Variants in ANKAR observed in about 807,000 individuals in gnomAD.
The protein encoded by ANKAR is ankyrin and armadillo repeat containing.
ANKAR carries 136 observed loss-of-function variants against 146.2 expected under a neutral mutation model. The ratio of observed to expected loss-of-function variants is 0.93; its 90% CI spans 0.81 to 1.07. ANKAR has a LOEUF of 1.07. ANKAR is among the 50% of genes least tolerant of loss of function. ANKAR has a pLI of 0.00. For missense variants in ANKAR, 1,567 were observed against 1,679.9 expected, an observed-to-expected ratio of 0.93 and a Z score of 1.18; for synonymous variants, 500 against 575.8, an observed-to-expected ratio of 0.87 and a Z score of 1.88.
chr2:189,709,638 C>A (rs1478569549), intron 9 of ANKAR, among the ~76,000 whole-genome samples: 1 of 152,178 alleles, frequency 6.6e-6, no homozygotes, highest in Non-Finnish European at 1.5e-5. Flanking sequence ...AGATTTTCAA[C>A]CCCATTCTAC....
At chr2:189,722,889 A>G (rs967324113) in intron 12 of ANKAR, among the ~76,000 whole-genome samples, 14 of 152,126 alleles carry the variant, frequency 9.2e-5, no homozygotes, top group Middle Eastern at 3.4e-3. Flanking sequence ...TAAAAAAAAA[A>G]AAAAGAAAAG....
intron 12 of ANKAR, among the ~76,000 whole-genome samples, chr2:189,721,291 T>G (rs16831909): frequency 0.034 from 5,103 of 152,266 alleles, 103 homozygotes; most frequent in South Asian, 0.07. Flanking sequence ...TGGCAGATAA[T>G]GATTAAATTT....
chr2:189,735,760 T>G (rs990719511), intron 17 of ANKAR, among the ~76,000 whole-genome samples: 7 of 152,236 alleles, frequency 4.6e-5, no homozygotes, highest in African/African-American at 1.7e-4. Flanking sequence ...ACTAGAATAA[T>G]ATATGAAATG....
In ANKAR at chr2:189,733,428, C is replaced by T. The variant is rs1410149038; in HGVS notation, c.3423+199C>T. ...ATTTTTCTGAGTTGTCCCACTTCAT[C>T]GTTGAAATGCAGTAATTTTAATGTT... On this transcript the variant is annotated intron_variant, in intron 17 of 22. Transcript: ENST00000684021. 2.0e-5 allele frequency among the ~76,000 whole-genome samples: 3 copies of T among 152,132 alleles called. No individual in the cohort carries two copies. The East Asian group carries it at 5.8e-4, about 29-fold the overall frequency.
chr2:189,718,025 A>G (rs545673895), intron 10 of ANKAR, among the ~76,000 whole-genome samples: 2 of 152,340 alleles, frequency 1.3e-5, no homozygotes, highest in East Asian at 3.9e-4. Context: ...AACATAGCAC[A>G]TGTATACCTA....
intron 15 of ANKAR, among the ~76,000 whole-genome samples, chr2:189,729,146 A>G (rs2042160630): frequency 6.6e-6 from 1 of 152,334 alleles, no homozygotes; most frequent in East Asian, 1.9e-4. Flanking sequence ...CTCAAGAACG[A>G]TATGTTTTTG....
In ANKAR at chr2:189,728,750, T is replaced by A; in HGVS notation, c.3122T>A (p.Leu1041Ter). Residue 1041 changes from leucine to a stop codon, truncating the protein, a stop_gained, in exon 15 of 23, where the codon TTA (leucine) becomes TAA (stop). Coordinates refer to ENST00000684021, the MANE Select transcript of ANKAR (RefSeq NM_001378068.1). LOFTEE classifies it high-confidence loss of function. Reference sequence around the variant, plus strand: ...AATGGAATTGCACCATTGGTTCGCTTACTAAGAATTAGTACGATTGCTGAA... The same window carrying A: ...AATGGAATTGCACCATTGGTTCGCTAACTAAGAATTAGTACGATTGCTGAA... ...EGNGIAPLVR[L>*]LRISTIAEGT... 1.2e-6 allele frequency: 2 copies of A among 1,614,104 alleles called. No individual in the cohort carries two copies. Among genetic ancestry groups the A allele is most frequent in the South Asian group, 1.1e-5 (1 of 91,086 alleles).
chr2:189,676,259 G>A (rs999814762), intron 1 of ANKAR, among the ~76,000 whole-genome samples, 197 bp from the exon 2 acceptor site: 10 of 152,060 alleles, frequency 6.6e-5, no homozygotes, highest in African/African-American at 2.2e-4. Flanking sequence ...TAATGATAAA[G>A]GTTTTATAAT....
At chr2:189,758,429 C>A (rs1374341597) in intron 18 of ANKAR, among the ~76,000 whole-genome samples, 34 of 152,062 alleles carry the variant, frequency 2.2e-4, no homozygotes, top group African/African-American at 7.7e-4. Flanking sequence ...TCTCTCGGTC[C>A]TGCTCCTGCC....
rs1383429915 is a variant in ANKAR, at chr2:189,731,675, T to TA, written c.3300+1074_3300+1075insA. ...TATGAGCCACTGCACCCAGGCTGTT[T>TA]CTTTTTTAATCTGTATTTATTTATT... On this transcript the variant is annotated intron_variant, in intron 16 of 22. Transcript: ENST00000684021. 5.9e-4 allele frequency among the ~76,000 whole-genome samples: 3 copies of TA among 5,122 alleles called. No homozygotes were observed. The Non-Finnish European group carries it at 0.023, about 39-fold the overall frequency. The allele number at this position is 5,122 out of a possible 152,430, so 3.4% of individuals were successfully genotyped here.
intron 1 of ANKAR, 167 bp from the exon 2 acceptor site, chr2:189,676,289 A>G (rs1460203364): frequency 1.9e-6 from 1 of 522,936 alleles, no homozygotes; most frequent in Non-Finnish European, 3.2e-6. Context: ...TTTAATTCAA[A>G]TTTCAGTTTT....
chr2:189,686,757 C>T (rs532214189), intron 2 of ANKAR, among the ~76,000 whole-genome samples: 30 of 152,276 alleles, frequency 2.0e-4, no homozygotes, highest in Admixed American at 5.2e-4. Flanking sequence ...TTTTATCTTA[C>T]ACAATTTTAT....
rs1399510684 is a variant in ANKAR at position 189,676,585 on chromosome 2, C to A, written c.95C>A (p.Ser32Tyr). The A allele has an allele frequency of 6.2e-7, 1 of 1,612,556 alleles. No homozygotes were observed. The highest frequency in any genetic ancestry group is 1.1e-5 in the South Asian group (1 of 91,070). Residue 32 changes from serine (S) to tyrosine (Y), a missense_variant, in exon 2 of 23, where the codon TCT becomes TAT. Transcript: ENST00000684021. The stretch of plus-strand genomic sequence containing the variant: ...AATTTAGCAATACAAAGAAATGCAT[C>A]TGCTTTTTTTGAAAAATATGATCGG... ...LENLAIQRNASAFFEKYDRSE... is the reference protein window; with the variant it reads ...LENLAIQRNAYAFFEKYDRSE...
At chr2:189,752,962 G>A (rs760750120) in intron 18 of ANKAR, 15 of 1,611,536 alleles carry the variant, frequency 9.3e-6, no homozygotes, top group African/African-American at 1.3e-5. Flanking sequence ...AGTTACTTGC[G>A]ACACCACCAG....
rs1215984521 is a variant in ANKAR at position 189,705,066 on chromosome 2, A to G, written c.1752A>G (p.Glu584=). Residue 584 remains glutamate, a synonymous_variant, in exon 8 of 23, where the codon GAA becomes GAG. Coordinates refer to ENST00000684021, the MANE Select transcript of ANKAR (RefSeq NM_001378068.1). ...LHLAAQACSL[E]TTVCLLCSKA... Reference sequence around the variant, plus strand: ...TTGCTGCACAGGCTTGCTCATTAGAAACAACAGTTTGTCTACTGTGTTCCA... The same window carrying G: ...TTGCTGCACAGGCTTGCTCATTAGAGACAACAGTTTGTCTACTGTGTTCCA... 6.2e-7 allele frequency: 1 copy of G among 1,613,994 alleles called. No homozygotes were observed. Among genetic ancestry groups the G allele is most frequent in the Admixed American group, 1.7e-5 (1 of 59,982 alleles).
intron 20 of ANKAR, 121 bp from the exon 21 acceptor site, chr2:189,743,154 C>T: frequency 1.2e-6 from 1 of 864,360 alleles, no homozygotes; most frequent in South Asian, 1.8e-5. Context: ...TGTTTGCATA[C>T]ATATTTGCTT....
At chr2:189,677,429 C>G (rs1278093752) in intron 2 of ANKAR, among the ~76,000 whole-genome samples, 1 of 152,036 alleles carries the variant, frequency 6.6e-6, no homozygotes, top group Non-Finnish European at 1.5e-5. Context: ...AGTCTTTTAT[C>G]CCTCATTTTC....
Position 189,695,079 on chromosome 2 carries a change from T to G in ANKAR, c.1406T>G (p.Leu469Arg). Residue 469 changes from leucine to arginine, a missense_variant, in exon 6 of 23, where the codon CTG becomes CGG. Leu to Arg is a moderately radical substitution (Grantham distance 102). Transcript: ENST00000684021. ...AATGAAATAGTGAACAATCTGAGAC[T>G]GAAAAGACTTCCACTGACAGATGCT... ...AINEIVNNLR[L>R]KRLPLTDAQL... 1 of 1,612,972 alleles carries G rather than the reference T, an allele frequency of 6.2e-7. No homozygotes were observed.
chr2:189,705,277 A>T (rs1425906712), intron 8 of ANKAR, 53 bp downstream of exon 8: 20 of 1,193,306 alleles, frequency 1.7e-5, no homozygotes, highest in African/African-American at 7.7e-5. Flanking sequence ...GGCAATAATA[A>T]AAAAAAAAGA....
Sources: gnomAD v4.1 joint callset for allele counts (sites outside exome capture counted in the v4.1 genomes callset) on GRCh38, gnomAD v4.1.1 for gene constraint, MANE v1.5 for transcripts, NCBI Gene and HGNC (gene_info 2026-07-23, HGNC 2026-07-21) for gene names.